Variants in PTPRG observed in about 807,000 individuals in gnomAD.
PTPRG encodes the protein protein tyrosine phosphatase receptor type G, also known as receptor-type tyrosine-protein phosphatase gamma.
PTPRG carries 102 observed loss-of-function variants against 165.3 expected under a neutral mutation model. That is an observed-to-expected ratio of 0.62 (90% CI 0.53 to 0.73). The LOEUF is 0.73. PTPRG is among the 30% of genes least tolerant of loss of function. The pLI is 0.00. For missense variants in PTPRG, 1,866 were observed against 1,861.4 expected (o/e 1.00, Z -0.05); for synonymous variants, 675 against 669.5 (o/e 1.01, Z -0.13).
chr3:61,578,949 T>A (rs1230754096), intron 1 of PTPRG, among the ~76,000 whole-genome samples: 1 of 152,144 alleles, frequency 6.6e-6, no homozygotes, highest in Admixed American at 6.5e-5. Context: ...TTACGAGGGA[T>A]AAACAAGGAT....
intron 2 of PTPRG, among the ~76,000 whole-genome samples, chr3:61,751,962 C>G (rs1421234575): frequency 6.6e-6 from 1 of 151,920 alleles, no homozygotes; most frequent in African/African-American, 2.4e-5. Context: ...CCACTGCACT[C>G]CAGCCTGGGT....
chr3:61,573,879 T>G (rs960633208), intron 1 of PTPRG, among the ~76,000 whole-genome samples: 2 of 152,228 alleles, frequency 1.3e-5, no homozygotes, highest in Non-Finnish European at 2.9e-5. Flanking sequence ...TCATGGTGGT[T>G]GAAGTTTATC....
In PTPRG at chr3:62,294,431, TA is replaced by T. The variant is rs747319839; in HGVS notation, c.*1127del. Reference sequence around the variant, plus strand: ...GACTATCTAAACTCCCACACATAGATAAATCTGATTTGGAGAGAGAAATTTA... The same window carrying T: ...GACTATCTAAACTCCCACACATAGATAATCTGATTTGGAGAGAGAAATTTA... On this transcript the variant is annotated 3_prime_UTR_variant, in exon 30 of 30. Transcript: ENST00000474889. The T allele has an allele frequency of 6.6e-6, 1 of 152,148 alleles. No individual in the cohort carries two copies. The highest frequency in any genetic ancestry group is 1.5e-5 in the Non-Finnish European group (1 of 68,018). 9.4% of individuals were successfully genotyped at this position (152,148 alleles called of 1,614,324 possible).
At position 61,836,911 on chromosome 3, in the gene PTPRG, A is replaced by AT. The variant is rs1025760600; in HGVS notation, c.190+87941dup. Among the ~76,000 whole-genome samples the AT allele has an allele frequency of 3.6e-3, 436 of 120,382 alleles. 1 individual carries two copies. The highest frequency in any genetic ancestry group is 0.012 in the African/African-American group (366 of 31,340). 79.0% of individuals were successfully genotyped at this position (120,382 alleles called of 152,430 possible). On this transcript the variant is annotated intron_variant, in intron 2 of 29. Coordinates refer to ENST00000474889, the MANE Select transcript of PTPRG (RefSeq NM_002841.4). ...AGGCACACGCCACCAGGCCTGGCTG[A>AT]TTTTTTTTTTTTCTTTTGAGATGGA...
chr3:62,063,264 A>G (rs1011547871), intron 4 of PTPRG, among the ~76,000 whole-genome samples: 4 of 152,210 alleles, frequency 2.6e-5, no homozygotes, highest in Non-Finnish European at 5.9e-5. Flanking sequence ...ATTGATAGAA[A>G]GATCATCAAG....
intron 2 of PTPRG, among the ~76,000 whole-genome samples, chr3:61,860,200 A>T (rs1033919468): frequency 3.9e-5 from 6 of 152,172 alleles, no homozygotes; most frequent in Admixed American, 1.3e-4. Context: ...AAATTGAAAC[A>T]GTTGATAGTA....
intron 1 of PTPRG, among the ~76,000 whole-genome samples, chr3:61,689,809 A>C (rs1335934256): frequency 6.6e-6 from 1 of 152,242 alleles, no homozygotes; most frequent in Non-Finnish European, 1.5e-5. Context: ...CTCATTTTGC[A>C]GTGTTCTTAT....
intron 1 of PTPRG, among the ~76,000 whole-genome samples, chr3:61,657,843 CCTTAAGTTGA>C (rs1702549964): frequency 1.3e-5 from 2 of 152,136 alleles, no homozygotes; most frequent in African/African-American, 2.4e-5. Flanking sequence ...TTCTCTTTGT[CCTTAAGTTGA>C]TCGATAGCAG....
chr3:62,044,785 T>C (rs1700237466), intron 4 of PTPRG, among the ~76,000 whole-genome samples: 1 of 152,106 alleles, frequency 6.6e-6, no homozygotes, highest in Non-Finnish European at 1.5e-5. Context: ...TCCATTAAGC[T>C]TCCTCTTTTC....
chr3:61,972,522 C>T (rs1175610403), intron 2 of PTPRG, among the ~76,000 whole-genome samples: 2 of 151,992 alleles, frequency 1.3e-5, no homozygotes, highest in Non-Finnish European at 2.9e-5. Context: ...GGTTAGGAGA[C>T]AATTGCAGTC....
At chr3:61,790,210 G>A (rs2034830531) in intron 2 of PTPRG, among the ~76,000 whole-genome samples, 1 of 152,142 alleles carries the variant, frequency 6.6e-6, no homozygotes, top group African/African-American at 2.4e-5. Context: ...AGGCTAGATG[G>A]TTTTTCTGTT....
chr3:61,975,425 C>T (rs557407077), intron 2 of PTPRG, among the ~76,000 whole-genome samples: 1 of 152,322 alleles, frequency 6.6e-6, no homozygotes, highest in Non-Finnish European at 1.5e-5. Context: ...ATTCTCAAAA[C>T]AGTTTCCTTG....
intron 1 of PTPRG, among the ~76,000 whole-genome samples, chr3:61,708,972 G>GA: frequency 6.6e-6 from 1 of 152,310 alleles, no homozygotes; most frequent in East Asian, 1.9e-4. Flanking sequence ...AAGTCTGTTG[G>GA]AAGGAAGCAA....
At chr3:62,197,519 A>T (rs1201591065) in intron 10 of PTPRG, among the ~76,000 whole-genome samples, 1 of 152,142 alleles carries the variant, frequency 6.6e-6, no homozygotes, top group Non-Finnish European at 1.5e-5. Context: ...TTTACTGTGA[A>T]CATATTGGTC....
At chr3:61,851,693 A>G (rs895920047) in intron 2 of PTPRG, among the ~76,000 whole-genome samples, 1 of 152,204 alleles carries the variant, frequency 6.6e-6, no homozygotes, top group Non-Finnish European at 1.5e-5. Context: ...AATTGTCATG[A>G]GGAGTCTTGG....
At position 61,576,254 on chromosome 3, in the gene PTPRG, A is replaced by G. The variant is rs77045985; in HGVS notation, c.85+13882A>G. On this transcript the variant is annotated intron_variant, in intron 1 of 29. Transcript: ENST00000474889. ...TGGCTTTTAGGATTTAATTTGTCCT[A>G]TATCTCCCACCTTGAAGAAAAAGGT... Among the ~76,000 whole-genome samples, 1,361 of 152,284 alleles carry G rather than the reference A, an allele frequency of 8.9e-3. 14 individuals carry two copies. Among genetic ancestry groups the G allele is most frequent in the African/African-American group, 0.022 (911 of 41,562 alleles).
chr3:61,654,126 T>C (rs1166873028), intron 1 of PTPRG, among the ~76,000 whole-genome samples: 1 of 152,126 alleles, frequency 6.6e-6, no homozygotes, highest in East Asian at 1.9e-4. Context: ...TATAGTGTTG[T>C]GGTGAGAAAT....
chr3:62,067,097 A>G (rs890661975), intron 4 of PTPRG, among the ~76,000 whole-genome samples: 3 of 151,288 alleles, frequency 2.0e-5, no homozygotes, highest in Admixed American at 6.6e-5. Flanking sequence ...CCCTCACAGC[A>G]GACTTGATCC....
At chr3:61,655,651 G>A (rs1415306403) in intron 1 of PTPRG, among the ~76,000 whole-genome samples, 1 of 152,122 alleles carries the variant, frequency 6.6e-6, no homozygotes, top group Non-Finnish European at 1.5e-5. Flanking sequence ...AGCTTGGAGT[G>A]TGGTGGCAGG....
Sources: gnomAD v4.1 joint callset for allele counts (sites outside exome capture counted in the v4.1 genomes callset) on GRCh38, gnomAD v4.1.1 for gene constraint, MANE v1.5 for transcripts, NCBI Gene and HGNC (gene_info 2026-07-23, HGNC 2026-07-21) for gene names.